The following WASF1 variants were observed in gnomAD, a reference collection of about 807,000 sequenced individuals.
WASF1 encodes actin-binding protein WASF1.
A neutral mutation model predicts 50.5 loss-of-function variants in WASF1; 7 were observed. The observed-to-expected ratio is 0.14, with a 90% confidence interval of 0.08 to 0.26. The LOEUF (loss-of-function observed/expected upper bound fraction) is 0.26, where lower values mean the gene tolerates loss of function less well. WASF1 is among the 10% of genes least tolerant of loss of function. The pLI is 1.00. For missense variants in WASF1, 470 were observed against 694.7 expected, an observed-to-expected ratio of 0.68 and a Z score of 3.64; for synonymous variants, 205 against 244.0, an observed-to-expected ratio of 0.84 and a Z score of 1.49.
At chr6:110,161,952 CTT>C (rs773445210) in intron 2 of WASF1, among the ~76,000 whole-genome samples, 10 of 151,408 alleles carry the variant, frequency 6.6e-5, no homozygotes, top group Non-Finnish European at 1.5e-4. Flanking sequence ...AAATGGAGGA[CTT>C]TGTTATCACC....
At chr6:110,135,279 G>C (rs1018730921) in intron 3 of WASF1, among the ~76,000 whole-genome samples, 1 of 152,090 alleles carries the variant, frequency 6.6e-6, no homozygotes, top group Admixed American at 6.6e-5. Flanking sequence ...TGAGTCTTCA[G>C]GGTTTTCTAG....
chr6:110,173,595 T>A (rs190498216), intron 2 of WASF1, among the ~76,000 whole-genome samples: 2 of 152,172 alleles, frequency 1.3e-5, no homozygotes, highest in Non-Finnish European at 2.9e-5. Context: ...TCTAACAGTT[T>A]ACGCAAAAAG....
chr6:110,122,433 A>G (rs1480965621), intron 4 of WASF1, among the ~76,000 whole-genome samples: 2 of 152,208 alleles, frequency 1.3e-5, no homozygotes, highest in African/African-American at 4.8e-5. Flanking sequence ...TTTTAGAGAA[A>G]TGAAGAAGCA....
chr6:110,179,025 C>T (rs1312894344), intron 1 of WASF1, among the ~76,000 whole-genome samples: 1 of 152,244 alleles, frequency 6.6e-6, no homozygotes, highest in Non-Finnish European at 1.5e-5. Flanking sequence ...CTTTACCGAG[C>T]CTCGCGCACG....
chr6:110,142,721 T>C (rs1449279936), intron 3 of WASF1, among the ~76,000 whole-genome samples: 1 of 152,086 alleles, frequency 6.6e-6, no homozygotes, highest in African/African-American at 2.4e-5. Context: ...GTATTTTTAA[T>C]ACTGCAAATG....
rs560718392 is a variant in WASF1 at position 110,169,305 on chromosome 6, T to C, written c.-126-8573A>G. Among the ~76,000 whole-genome samples, 187 of 151,970 alleles carry C rather than the reference T, an allele frequency of 1.2e-3. 1 individual carries two copies. The highest frequency in any genetic ancestry group is 2.3e-3 in the Non-Finnish European group (155 of 67,970). Reference sequence around the variant, plus strand: ...ATCTCACTAACTCAAATTCAAAATATCCAAAATCAAATTCATTATCCATCA... The same window carrying C: ...ATCTCACTAACTCAAATTCAAAATACCCAAAATCAAATTCATTATCCATCA... On this transcript the variant is annotated intron_variant, in intron 2 of 10. Transcript: ENST00000392589.
intron 3 of WASF1, among the ~76,000 whole-genome samples, chr6:110,143,624 T>C (rs181834088): frequency 8.7e-4 from 132 of 152,254 alleles, no homozygotes; most frequent in African/African-American, 3.0e-3. Flanking sequence ...GAAAATAAAA[T>C]AGCTGCTTAT....
intron 5 of WASF1, among the ~76,000 whole-genome samples, chr6:110,112,451 G>T (rs973815122): frequency 6.6e-6 from 1 of 151,986 alleles, no homozygotes; most frequent in Non-Finnish European, 1.5e-5. Context: ...AATTATTTTA[G>T]CCTATCTGAT....
rs2114451272 is a variant in WASF1, at chr6:110,103,556, G to A, written c.715C>T (p.Pro239Ser). ...TCCATATGATCCACGTATGTCTGAG[G>A]TCTAAAAGAAATATATAGTATCAGT... is the stretch of plus-strand genomic sequence containing the variant. ...NGPASHFETRPQTYVDHMDGS... is the reference protein window; with the variant it reads ...NGPASHFETRSQTYVDHMDGS... Residue 239 changes from proline to serine, a missense_variant and splice_region_variant, in exon 9 of 11, where the codon CCT (proline) becomes TCT (serine). Physicochemically the swap from Pro to Ser is moderately conservative, Grantham distance 74 (BLOSUM62 -1). This residue lies in a region of WASF1 where 294 missense variants were observed against 343.5 expected (regional missense o/e 0.86). Coordinates refer to ENST00000392589, the MANE Select transcript of WASF1 (RefSeq NM_003931.3). 1 of 1,607,304 alleles carries A rather than the reference G, an allele frequency of 6.2e-7. No individual in the cohort carries two copies. Among genetic ancestry groups the A allele is most frequent in the Non-Finnish European group, 8.5e-7 (1 of 1,175,798 alleles).
Position 110,121,061 on chromosome 6 carries a change from T to C in WASF1, c.133+6408A>G, listed in dbSNP as rs141596500. On this transcript the variant is annotated intron_variant, in intron 4 of 10. Transcript: ENST00000392589. The stretch of plus-strand genomic sequence containing the variant: ...TCAAGATGGATTAAAGATTTAAATG[T>C]AAGACCTAACACCATAAAAACCCTA... Among the ~76,000 whole-genome samples, 1,346 of 152,318 alleles carry C rather than the reference T, an allele frequency of 8.8e-3. 23 individuals are homozygous for C. Among genetic ancestry groups the C allele is most frequent in the African/African-American group, 0.031 (1,269 of 41,578 alleles).
rs1194262815 is a variant in WASF1 at position 110,106,898 on chromosome 6, T to C, written c.540+179A>G. On this transcript the variant is annotated intron_variant, in intron 7 of 10. Transcript: ENST00000392589. ...ATTATGCCCTACTCTAATAATCTAA[T>C]TGCTCATCTGCTCCCCATCAGACTG... 2.6e-5 allele frequency among the ~76,000 whole-genome samples: 4 copies of C among 152,234 alleles called. No homozygotes were observed. In the East Asian group the frequency reaches 5.8e-4, roughly 22 times the overall value.
chr6:110,102,951 A>C (rs1268842580), intron 9 of WASF1, among the ~76,000 whole-genome samples: 2 of 152,224 alleles, frequency 1.3e-5, no homozygotes, highest in Non-Finnish European at 2.9e-5. Flanking sequence ...ATTAATAATC[A>C]CATCTTTGGT....
chr6:110,114,446 T>C lies in WASF1; in HGVS notation c.134-986A>G, dbSNP rs550706604. Among the ~76,000 whole-genome samples, 3 of 152,292 alleles carry C rather than the reference T, an allele frequency of 2.0e-5. No homozygotes were observed. The East Asian group carries it at 5.8e-4, about 29-fold the overall frequency. ...AAGAAAAGGAAAATCATGAAGCCATTGCTGCAGATACACCAGCAGACACAA... is the reference window on the plus strand; with the variant it reads ...AAGAAAAGGAAAATCATGAAGCCATCGCTGCAGATACACCAGCAGACACAA... On this transcript the variant is annotated intron_variant, in intron 4 of 10. Transcript: ENST00000392589.
At chr6:110,135,197 T>C (rs1459779015) in intron 3 of WASF1, among the ~76,000 whole-genome samples, 2 of 152,242 alleles carry the variant, frequency 1.3e-5, no homozygotes, top group African/African-American at 4.8e-5. Flanking sequence ...ATAGCAGTGC[T>C]ACTTATTTGT....
intron 5 of WASF1, among the ~76,000 whole-genome samples, chr6:110,110,631 T>C (rs1225113754): frequency 6.6e-6 from 1 of 152,194 alleles, no homozygotes; most frequent in Non-Finnish European, 1.5e-5. Context: ...CATCTGATAT[T>C]AATAAAATAG....
chr6:110,167,242 T>C (rs1427512726), intron 2 of WASF1, among the ~76,000 whole-genome samples: 2 of 152,004 alleles, frequency 1.3e-5, no homozygotes, highest in African/African-American at 2.4e-5. Context: ...TATTACTGGT[T>C]TATGTATCTA....
chr6:110,115,497 A>C (rs1175790123), intron 4 of WASF1, among the ~76,000 whole-genome samples: 3 of 152,182 alleles, frequency 2.0e-5, no homozygotes, highest in Non-Finnish European at 4.4e-5. Context: ...CCAGTAAGGG[A>C]ATGTCTTTTA....
intron 2 of WASF1, among the ~76,000 whole-genome samples, chr6:110,162,256 C>T (rs577424620): frequency 4.0e-5 from 6 of 151,328 alleles, no homozygotes; most frequent in African/African-American, 1.2e-4. Context: ...TTCTGAGAGT[C>T]GACTCTGACC....
chr6:110,169,367 G>A (rs7750037), intron 2 of WASF1, among the ~76,000 whole-genome samples: 13,342 of 151,966 alleles, frequency 0.088, 946 homozygotes, highest in African/African-American at 0.2. Context: ...TTATTCTTTG[G>A]GCTTCTCTAT....
Sources: gnomAD v4.1 joint callset for allele counts (sites outside exome capture counted in the v4.1 genomes callset) on GRCh38, gnomAD v4.1.1 for gene constraint, gnomAD v4.1.1 regional missense constraint, MANE v1.5 for transcripts, NCBI Gene and HGNC (gene_info 2026-07-23, HGNC 2026-07-21) for gene names.